PZP: variants seen among roughly 807,000 people sequenced by gnomAD.
PZP encodes the protein pregnancy zone protein.
In PZP, 150 loss-of-function variants were observed where a neutral mutation model predicts 179.8. The observed-to-expected ratio is 0.83, with a 90% CI of 0.73 to 0.96. The LOEUF (loss-of-function observed/expected upper bound fraction) is 0.96, where lower values mean the gene tolerates loss of function less well. Among genes scored for constraint, PZP ranks in the 40% least tolerant of loss-of-function variants. The pLI is 0.00. For missense variants in PZP, 1,689 were observed against 1,764.0 expected, an observed-to-expected ratio of 0.96 and a Z score of 0.76; for synonymous variants, 624 against 652.3, an observed-to-expected ratio of 0.96 and a Z score of 0.66.
chr12:9,183,744 T>C (rs1319810843), intron 13 of PZP, among the ~76,000 whole-genome samples: 1 of 152,230 alleles, frequency 6.6e-6, no homozygotes, highest in East Asian at 1.9e-4. Flanking sequence ...GGCACTCAAT[T>C]AAAAATTGTT....
intron 21 of PZP, 50 bp downstream of exon 21, chr12:9,163,618 G>A (rs370047384): frequency 2.8e-4 from 445 of 1,595,462 alleles, no homozygotes; most frequent in African/African-American, 7.5e-4. Flanking sequence ...AAGAGTGACC[G>A]CCCGGTGTTG....
At chr12:9,169,172 G>A (rs1332637001) in intron 16 of PZP, among the ~76,000 whole-genome samples, 198 bp from the exon 17 acceptor site, 2 of 97,396 alleles carry the variant, frequency 2.1e-5, no homozygotes, top group African/African-American at 3.1e-5. Flanking sequence ...TTATTTTTTG[G>A]TTTGCAAATA....
chr12:9,192,252 A>G lies in PZP; in HGVS notation c.1487T>C (p.Met496Thr), dbSNP rs762382859. 4 of 1,613,838 alleles carry G rather than the reference A, an allele frequency of 2.5e-6. No individual in the cohort carries two copies. Among genetic ancestry groups the G allele is most frequent in the African/African-American group, 2.7e-5 (2 of 74,906 alleles). ...AGATCTGACGATGACTCCCTTAGCC[A>G]TGATCTGAAATGAAAAAACAGTGAA... Reference protein sequence around the residue: ...LSELSFHYLIMAKGVIVRSGT... With the variant: ...LSELSFHYLITAKGVIVRSGT... The change falls in exon 13 of 36, where the codon ATG becomes ACG. Residue 496 changes from methionine to threonine, a missense_variant. This residue lies in a region of PZP where 742 missense variants were observed against 730.5 expected (regional missense o/e 1.02). Coordinates refer to ENST00000261336, the MANE Select transcript of PZP (RefSeq NM_002864.3).
chr12:9,173,301 A>G (rs995400703), intron 15 of PZP, among the ~76,000 whole-genome samples: 3 of 152,376 alleles, frequency 2.0e-5, no homozygotes, highest in African/African-American at 7.2e-5. Context: ...ATGTACTGCA[A>G]TCTCTGGGAT....
chr12:9,149,558 T>G lies in PZP; in HGVS notation c.4426+3A>C. 1.9e-6 allele frequency: 3 copies of G among 1,612,390 alleles called. No homozygotes were observed. In the South Asian group the frequency reaches 3.3e-5, roughly 18 times the overall value. On this transcript the variant is annotated splice_donor_region_variant and intron_variant, in intron 35 of 35. Transcript: ENST00000261336. ...GTACTGGTCATAAGTGGTGAACTCT[T>G]ACCTGTGCTGCAGGGGGCGATATAC...
chr12:9,197,632 ATATAT>A (rs1181816555), intron 7 of PZP, among the ~76,000 whole-genome samples: 5 of 71,428 alleles, frequency 7.0e-5, no homozygotes, highest in Non-Finnish European at 9.8e-5. Flanking sequence ...ATATTATATT[ATATAT>A]TATATTATAT....
At position 9,160,403 on chromosome 12, in the gene PZP, G is replaced by A. The variant is rs752100433; in HGVS notation, c.2960C>T (p.Ala987Val). The A allele has an allele frequency of 6.2e-7, 1 of 1,614,052 alleles. No individual in the cohort carries two copies. ...GCGEQNMVLFAPNIYVLNYLN... is the reference protein window; with the variant it reads ...GCGEQNMVLFVPNIYVLNYLN... ...ATAGTTCAAGACATAGATGTTAGGA[G>A]CAAATAGGACCATGTTCTGTTCTCC... The change falls in exon 24 of 36, where the codon GCT becomes GTT. Residue 987 changes from alanine (A) to valine (V), a missense_variant. Ala to Val is a moderately conservative substitution (Grantham distance 64). This residue lies in a region of PZP where 746 missense variants were observed against 749.2 expected (regional missense o/e 1.00). Transcript: ENST00000261336.
chr12:9,140,019 G>A, the PZP span, among the ~76,000 whole-genome samples: 18 of 152,298 alleles, frequency 1.2e-4, no homozygotes, highest in Admixed American at 6.5e-4. Context: ...CTCTCTGGCC[G>A]GAGAGGAGGT....
At chr12:9,187,495 T>G (rs1482951423) in intron 13 of PZP, among the ~76,000 whole-genome samples, 7 of 152,190 alleles carry the variant, frequency 4.6e-5, no homozygotes. Context: ...CGGACTACCA[T>G]GTGATTAAAA....
intron 13 of PZP, among the ~76,000 whole-genome samples, chr12:9,185,955 G>A (rs1943088297): frequency 6.6e-6 from 1 of 151,682 alleles, no homozygotes. Context: ...CTACAGGCGT[G>A]CACCATCACA....
chr12:9,170,989 A>G lies in PZP; in HGVS notation c.1840-1398T>C, dbSNP rs1182734287. ...CCACCCAATGCAGCCCACCTGCTCT[A>G]CCAAAAAGCAGCCAGGCTGCTTCTT... On this transcript the variant is annotated intron_variant, in intron 15 of 35. Transcript: ENST00000261336. This position sits in a 1 kb window ranked among gnomAD's most constrained non-coding sequence, Gnocchi z 4.6. 1.3e-5 allele frequency among the ~76,000 whole-genome samples: 2 copies of G among 152,180 alleles called. No homozygotes were observed. Among genetic ancestry groups the G allele is most frequent in the African/African-American group, 2.4e-5 (1 of 41,426 alleles).
Position 9,197,107 on chromosome 12 carries a change from G to T in PZP, c.772C>A (p.Pro258Thr). The change falls in exon 8 of 36, where the codon CCT (proline) becomes ACT (threonine). Residue 258 changes from proline (P) to threonine (T), a missense_variant. Physicochemically the swap from Pro to Thr is conservative, Grantham distance 38. Transcript: ENST00000261336. ...TVCGEYTYGK[P>T]VPGLATVSLC... ...CTCACAGTTGCAAGTCCTGGGACAG[G>T]CTTCCCATAAGTGTATCTGGTACAT... The T allele has an allele frequency of 6.2e-7, 1 of 1,611,224 alleles. No individual in the cohort carries two copies. Among genetic ancestry groups the T allele is most frequent in the Non-Finnish European group, 8.5e-7 (1 of 1,177,988 alleles).
chr12:9,173,967 A>G (rs1433665219), intron 15 of PZP, among the ~76,000 whole-genome samples: 2 of 152,178 alleles, frequency 1.3e-5, no homozygotes, highest in East Asian at 3.9e-4. Flanking sequence ...CTCCTCGCTA[A>G]CTCATTCTAT....
chr12:9,202,470 C>T, intron 3 of PZP, 55 bp downstream of exon 3: 1 of 1,612,358 alleles, frequency 6.2e-7, no homozygotes, highest in Non-Finnish European at 8.5e-7. Context: ...GAGACTTTGG[C>T]TGTTCAGGTG....
chr12:9,138,043 T>G, the PZP span, among the ~76,000 whole-genome samples: 1 of 152,088 alleles, frequency 6.6e-6, no homozygotes, highest in African/African-American at 2.4e-5. Context: ...TGGCTAGGGC[T>G]TTGGTTCTAT....
chr12:9,167,826 G>T (rs945909102), intron 17 of PZP, among the ~76,000 whole-genome samples: 2 of 151,860 alleles, frequency 1.3e-5, no homozygotes, highest in African/African-American at 2.4e-5. Context: ...AACCTCAATG[G>T]TTTAAACTTG....
intron 17 of PZP, chr12:9,166,907 T>C (rs1378727299): frequency 6.6e-6 from 1 of 152,256 alleles, no homozygotes; most frequent in Admixed American, 6.5e-5. Flanking sequence ...TGCTTACTAA[T>C]TGAATTTGAT....
At position 9,152,823 on chromosome 12, in the gene PZP, C is replaced by T. The variant is rs1445149996; in HGVS notation, c.4121+1G>A. The T allele has an allele frequency of 4.3e-6, 7 of 1,613,946 alleles. No homozygotes were observed. Among genetic ancestry groups the T allele is most frequent in the Middle Eastern group, 1.7e-4 (1 of 6,060 alleles). ...TAGGTGATTAGGTTAGAACGTCTTA[C>T]CTGATGGTCAGTGAGATCTGAAAGC... is the stretch of plus-strand genomic sequence containing the variant. On this transcript the variant is annotated splice_donor_variant, in intron 31 of 35. Transcript: ENST00000261336. LOFTEE classifies it high-confidence loss of function.
chr12:9,202,421 T>G, intron 3 of PZP, 50 bp from the exon 4 acceptor site: 1 of 1,613,614 alleles, frequency 6.2e-7, no homozygotes, highest in African/African-American at 1.3e-5. Flanking sequence ...AGCAGGTAAT[T>G]TGGGTAATAA....
Sources: gnomAD v4.1 joint callset for allele counts (sites outside exome capture counted in the v4.1 genomes callset) on GRCh38, gnomAD v4.1.1 for gene constraint, gnomAD v4.1.1 regional missense constraint, Gnocchi (gnomAD v3.1) non-coding constraint, MANE v1.5 for transcripts, NCBI Gene and HGNC (gene_info 2026-07-23, HGNC 2026-07-21) for gene names.